WWC2: variants seen among roughly 807,000 people sequenced by gnomAD.
WWC2 encodes protein WWC2.
In WWC2, 101 loss-of-function variants were observed where a neutral mutation model predicts 138.5. The observed-to-expected ratio is 0.73, with a 90% CI of 0.62 to 0.86. WWC2 has a LOEUF of 0.86. Ranked by LOEUF, WWC2 falls within the 40% of genes least tolerant of loss-of-function variation. The pLI, the probability that WWC2 is intolerant of heterozygous loss-of-function variation, is 0.00. For missense variants in WWC2, 1,420 were observed against 1,419.4 expected (o/e 1.00, Z -0.01); for synonymous variants, 558 against 538.4 (o/e 1.04, Z -0.50).
intron 1 of WWC2, among the ~76,000 whole-genome samples, chr4:183,158,038 A>G (rs1261928143): frequency 2.0e-5 from 3 of 151,854 alleles, no homozygotes; most frequent in Non-Finnish European, 4.4e-5. Flanking sequence ...GTATTTTCAC[A>G]TTTAGATGAA....
intron 1 of WWC2, among the ~76,000 whole-genome samples, chr4:183,169,342 C>T (rs937027388): frequency 7.2e-5 from 11 of 152,204 alleles, no homozygotes; most frequent in Non-Finnish European, 7.3e-5. Context: ...CTGACAAGTA[C>T]GCTTCATGTG....
intron 21 of WWC2, among the ~76,000 whole-genome samples, chr4:183,295,546 C>T (rs77372324): frequency 3.7e-4 from 57 of 152,306 alleles, no homozygotes; most frequent in East Asian, 3.7e-3. Flanking sequence ...GCCTTGGTGA[C>T]GCTGGGACCA....
intron 9 of WWC2, among the ~76,000 whole-genome samples, chr4:183,254,324 T>C (rs1737073736): frequency 6.6e-6 from 1 of 152,214 alleles, no homozygotes; most frequent in African/African-American, 2.4e-5. Flanking sequence ...TTATCTAGAC[T>C]GTTAGAGCAA....
chr4:183,230,032 C>G (rs907361), intron 4 of WWC2, among the ~76,000 whole-genome samples: 29,931 of 151,922 alleles, frequency 0.2, 3,189 homozygotes, highest in South Asian at 0.26. Flanking sequence ...GCCGCATTGC[C>G]TAAGCTAATC....
chr4:183,245,089 T>C (rs1736729716), intron 5 of WWC2, among the ~76,000 whole-genome samples: 1 of 151,858 alleles, frequency 6.6e-6, no homozygotes, highest in Non-Finnish European at 1.5e-5. Flanking sequence ...TAGCCGGGCA[T>C]CGTGGCGGGT....
intron 4 of WWC2, among the ~76,000 whole-genome samples, chr4:183,228,307 G>A (rs2111281124): frequency 6.6e-6 from 1 of 152,164 alleles, no homozygotes; most frequent in African/African-American, 2.4e-5. Context: ...AAAATTGGCA[G>A]AAAATCCACA....
intron 1 of WWC2, among the ~76,000 whole-genome samples, chr4:183,175,944 C>T (rs889189212): frequency 1.3e-5 from 2 of 152,224 alleles, no homozygotes; most frequent in Non-Finnish European, 2.9e-5. Flanking sequence ...GTTTTCCCAG[C>T]CCACCTCACT....
intron 1 of WWC2, among the ~76,000 whole-genome samples, chr4:183,160,285 C>T (rs933522706): frequency 7.2e-5 from 11 of 152,122 alleles, no homozygotes; most frequent in Non-Finnish European, 1.0e-4. Context: ...GATAAACTCA[C>T]GTAACATTTT....
chr4:183,253,025 C>T (rs898857274), intron 8 of WWC2, among the ~76,000 whole-genome samples: 17 of 152,190 alleles, frequency 1.1e-4, no homozygotes, highest in Non-Finnish European at 2.1e-4. Context: ...CACATCACCA[C>T]ACCTGGCTAA....
intron 4 of WWC2, among the ~76,000 whole-genome samples, chr4:183,230,877 A>G (rs1283447157): frequency 6.6e-6 from 1 of 152,218 alleles, no homozygotes; most frequent in Non-Finnish European, 1.5e-5. Context: ...AATTTATACT[A>G]TTACATTTGA....
At chr4:183,124,715 G>C (rs535785667) in intron 1 of WWC2, among the ~76,000 whole-genome samples, 26 of 151,004 alleles carry the variant, frequency 1.7e-4, no homozygotes, top group African/African-American at 6.3e-4. Flanking sequence ...TCAGCCTCCC[G>C]AGTAGCTGAG....
intron 4 of WWC2, among the ~76,000 whole-genome samples, chr4:183,222,226 A>T (rs1735954865): frequency 6.6e-6 from 1 of 152,278 alleles, no homozygotes; most frequent in Non-Finnish European, 1.5e-5. Context: ...ATCATATTGT[A>T]CATTTAAAAT....
intron 4 of WWC2, among the ~76,000 whole-genome samples, chr4:183,215,966 A>G (rs1265456594): frequency 6.6e-6 from 1 of 152,226 alleles, no homozygotes; most frequent in Non-Finnish European, 1.5e-5. Flanking sequence ...ATGATTCTAT[A>G]AAGCCTACAA....
rs749279542 is a variant in WWC2, at chr4:183,320,104, C to A, written c.*4375C>A. On this transcript the variant is annotated 3_prime_UTR_variant, in exon 23 of 23. Transcript: ENST00000403733. ...GTCCAGTTTTCCATTTCATTTAAGT[C>A]CAGGTTGAGGTTCTTCCAGTGTGGC... 1 of 1,613,918 alleles carries A rather than the reference C, an allele frequency of 6.2e-7. No individual in the cohort carries two copies.
intron 20 of WWC2, among the ~76,000 whole-genome samples, chr4:183,287,352 A>G (rs1738293651): frequency 6.6e-6 from 1 of 152,220 alleles, no homozygotes; most frequent in Non-Finnish European, 1.5e-5. Context: ...CTAAATTTTT[A>G]TCATCTTGAA....
chr4:183,263,596 GA>G (rs1243301385), intron 11 of WWC2, among the ~76,000 whole-genome samples: 1 of 152,208 alleles, frequency 6.6e-6, no homozygotes, highest in Non-Finnish European at 1.5e-5. Context: ...GAAAACAAGT[GA>G]AAGCGTATAT....
intron 19 of WWC2, 99 bp downstream of exon 19, chr4:183,284,489 C>G: frequency 7.5e-7 from 1 of 1,333,102 alleles, no homozygotes; most frequent in Non-Finnish European, 1.0e-6. Flanking sequence ...CACTGGGAGT[C>G]CACATGACAA....
intron 1 of WWC2, among the ~76,000 whole-genome samples, chr4:183,116,124 A>G (rs1005001129): frequency 2.0e-5 from 3 of 152,034 alleles, no homozygotes; most frequent in Non-Finnish European, 2.9e-5. Context: ...ATTTTTGTCA[A>G]CTTTGTCAAA....
chr4:183,100,536 C>T (rs1308830238), intron 1 of WWC2, among the ~76,000 whole-genome samples: 2 of 152,110 alleles, frequency 1.3e-5, no homozygotes. Context: ...AAATAACGTG[C>T]CACCAGGGAT....
Sources: allele counts gnomAD v4.1 joint callset (sites outside exome capture counted in the v4.1 genomes callset), GRCh38; gene constraint gnomAD v4.1.1; transcripts MANE v1.5; gene names NCBI Gene and HGNC (gene_info 2026-07-23, HGNC 2026-07-21).